The following SRGAP2C variants were observed in gnomAD, a reference collection of about 807,000 sequenced individuals.
SRGAP2C encodes the protein SLIT-ROBO Rho GTPase-activating protein 2C.
SRGAP2C carries 15 observed loss-of-function variants against 25.1 expected under a neutral mutation model. That is an observed-to-expected ratio of 0.60 (90% confidence interval 0.40 to 0.92). SRGAP2C has a LOEUF of 0.92. Among genes scored for constraint, SRGAP2C ranks in the 40% least tolerant of loss-of-function variants. SRGAP2C has a pLI of 0.00. For synonymous variants in SRGAP2C, 44 were observed against 96.6 expected, an observed-to-expected ratio of 0.46 and a Z score of 3.19; for missense variants, 144 against 264.4, an observed-to-expected ratio of 0.54 and a Z score of 3.16.
intron 2 of SRGAP2C, among the ~76,000 whole-genome samples, chr1:121,265,188 G>A (rs1407449220): frequency 1.2e-4 from 18 of 144,192 alleles, no homozygotes; most frequent in Non-Finnish European, 2.7e-4. Context: ...AACCAAGTGA[G>A]ACTCTGTCTC....
intron 2 of SRGAP2C, among the ~76,000 whole-genome samples, chr1:121,266,172 G>A (rs1488008722): frequency 1.7e-4 from 25 of 150,340 alleles, no homozygotes; most frequent in Non-Finnish European, 3.3e-4. Context: ...ATGGGGTTTC[G>A]CCATGTTGGC....
At chr1:121,304,029 C>G (rs1358566287) in intron 3 of SRGAP2C, among the ~76,000 whole-genome samples, 9 of 122,740 alleles carry the variant, frequency 7.3e-5, no homozygotes, top group East Asian at 5.7e-4. Flanking sequence ...ACGGTGAAAC[C>G]CTGTCTCTAC....
At chr1:121,309,630 G>T (rs1657935254) in intron 3 of SRGAP2C, among the ~76,000 whole-genome samples, 1 of 148,166 alleles carries the variant, frequency 6.7e-6, no homozygotes, top group African/African-American at 2.5e-5. Context: ...GTGTCCATGT[G>T]ATCTCATTGT....
chr1:121,302,979 AT>A lies in SRGAP2C; in HGVS notation c.260+17987del, dbSNP rs1399069504. Among the ~76,000 whole-genome samples, 6 of 151,562 alleles carry A rather than the reference AT, an allele frequency of 4.0e-5. No individual in the cohort carries two copies. The East Asian group carries it at 1.2e-3, about 29-fold the overall frequency. ...TTTGTGCCATAACTGATGATGTTAA[AT>A]TTGATCATTTGGTTACAGTTGTGTC... On this transcript the variant is annotated intron_variant, in intron 3 of 9. Coordinates refer to ENST00000367123, the MANE Select transcript of SRGAP2C (RefSeq NM_001329984.2).
chr1:121,208,706 CTG>C (rs1223722517), intron 2 of SRGAP2C, among the ~76,000 whole-genome samples: 1 of 151,028 alleles, frequency 6.6e-6, no homozygotes, highest in African/African-American at 2.4e-5. Context: ...AGAGCAGGGA[CTG>C]TTTCTGTTTA....
chr1:121,313,785 C>T (rs1233013003), intron 3 of SRGAP2C, among the ~76,000 whole-genome samples: 10 of 127,290 alleles, frequency 7.9e-5, no homozygotes, highest in Admixed American at 7.2e-4. Context: ...GGGTTTCTGC[C>T]GAGAGATCCA....
At chr1:121,261,094 A>ATTTTTTTTTTTTTTTTT (rs1211026484) in intron 2 of SRGAP2C, among the ~76,000 whole-genome samples, 5 of 26,264 alleles carry the variant, frequency 1.9e-4, no homozygotes, top group South Asian at 2.6e-3. Context: ...ACACCTGGCT[A>ATTTTTTTTTTTTTTTTT]TTTTTTTTTT....
chr1:121,328,950 G>A (rs1266278880), intron 4 of SRGAP2C, among the ~76,000 whole-genome samples: 23 of 129,092 alleles, frequency 1.8e-4, no homozygotes, highest in East Asian at 5.1e-4. Flanking sequence ...GGTGACTCAT[G>A]CCTGTAATCG....
chr1:121,196,899 C>G (rs1410636453), intron 2 of SRGAP2C, among the ~76,000 whole-genome samples: 1 of 149,280 alleles, frequency 6.7e-6, no homozygotes, highest in Non-Finnish European at 1.5e-5. Context: ...TTAATTGTAT[C>G]TTGACACTGT....
At chr1:121,331,933 G>C (rs1658441052) in intron 4 of SRGAP2C, among the ~76,000 whole-genome samples, 1 of 151,708 alleles carries the variant, frequency 6.6e-6, no homozygotes, top group Non-Finnish European at 1.5e-5. Flanking sequence ...ATGAAGGATT[G>C]ACTGCTAAGG....
intron 2 of SRGAP2C, among the ~76,000 whole-genome samples, chr1:121,278,001 C>T (rs1408668261): frequency 6.8e-6 from 1 of 147,456 alleles, no homozygotes; most frequent in African/African-American, 2.5e-5. Flanking sequence ...AGTATAGTGG[C>T]ACAATCACGG....
At chr1:121,254,004 C>T (rs1331470796) in intron 2 of SRGAP2C, among the ~76,000 whole-genome samples, 1 of 151,762 alleles carries the variant, frequency 6.6e-6, no homozygotes, top group Admixed American at 6.6e-5. Flanking sequence ...TCTCAACCTC[C>T]TGGGTTCAAG....
Position 121,226,251 on chromosome 1 carries a change from CT to C in SRGAP2C, c.67+38751del, listed in dbSNP as rs1553326545. 1.8e-3 allele frequency among the ~76,000 whole-genome samples: 166 copies of C among 90,814 alleles called. 1 individual carries two copies. Among genetic ancestry groups the C allele is most frequent in the African/African-American group, 5.7e-3 (129 of 22,550 alleles). 59.6% of individuals were successfully genotyped at this position (90,814 alleles called of 152,430 possible). A position where few individuals can be genotyped will look rare whatever the true frequency, so the allele number is the denominator to read the frequency against. ...AGGGCGCCCCTCTTAGAAGAAAAGA[CT>C]TTTTTTTTTTTTCCTTAAGATTGGT... On this transcript the variant is annotated intron_variant, in intron 2 of 9. Transcript: ENST00000367123.
At chr1:121,282,673 G>A (rs1448002184) in intron 2 of SRGAP2C, among the ~76,000 whole-genome samples, 1 of 151,658 alleles carries the variant, frequency 6.6e-6, no homozygotes, top group African/African-American at 2.4e-5. Context: ...TCCCACCTCA[G>A]CCTCCCCAGT....
chr1:121,370,551 C>T (rs1283707271), intron 5 of SRGAP2C, among the ~76,000 whole-genome samples: 4 of 145,782 alleles, frequency 2.7e-5, no homozygotes, highest in Admixed American at 1.4e-4. Flanking sequence ...ATGCCATTCT[C>T]CTGCCTCAGC....
At chr1:121,203,358 C>T (rs1395385920) in intron 2 of SRGAP2C, among the ~76,000 whole-genome samples, 4 of 150,460 alleles carry the variant, frequency 2.7e-5, no homozygotes, top group Admixed American at 6.6e-5. Context: ...GGGCACAAGG[C>T]AGTCAAAGTG....
At position 121,275,100 on chromosome 1, in the gene SRGAP2C, A is replaced by G. The variant is rs1161965440; in HGVS notation, c.68-9703A>G. ...GATTTTACTGATTTCTTCCTCTCTT[A>G]ATGTAGTCTGGGACCATTATTTTGG... On this transcript the variant is annotated intron_variant, in intron 2 of 9. Transcript: ENST00000367123. Among the ~76,000 whole-genome samples, 3 of 140,584 alleles carry G rather than the reference A, an allele frequency of 2.1e-5. No individual in the cohort carries two copies. In the Admixed American group the frequency reaches 2.2e-4, roughly 10 times the overall value. 92.2% of individuals were successfully genotyped at this position (140,584 alleles called of 152,430 possible).
intron 3 of SRGAP2C, among the ~76,000 whole-genome samples, chr1:121,295,391 A>G (rs1398682163): frequency 4.6e-5 from 7 of 151,264 alleles, no homozygotes; most frequent in Admixed American, 2.6e-4. Context: ...GACCAAGGAA[A>G]CCAGTTGCTG....
chr1:121,218,785 A>C (rs1553325215), intron 2 of SRGAP2C, among the ~76,000 whole-genome samples: 1 of 152,114 alleles, frequency 6.6e-6, no homozygotes, highest in African/African-American at 2.4e-5. Flanking sequence ...CGTATTCACA[A>C]ATCTTTTTAT....
Sources: allele counts gnomAD v4.1 joint callset (sites outside exome capture counted in the v4.1 genomes callset), GRCh38; gene constraint gnomAD v4.1.1; transcripts MANE v1.5; gene names NCBI Gene and HGNC (gene_info 2026-07-23, HGNC 2026-07-21).